DACH1: variants seen among roughly 807,000 people sequenced by gnomAD.
DACH1 encodes the protein dachshund homolog 1.
A neutral mutation model predicts 54.2 loss-of-function variants in DACH1; 12 were observed. The ratio of observed to expected loss-of-function variants is 0.22; its 90% CI spans 0.14 to 0.36. The LOEUF (loss-of-function observed/expected upper bound fraction) is 0.36. Ranked by LOEUF, DACH1 falls within the 10% of genes least tolerant of loss-of-function variation. The pLI, the probability that DACH1 is intolerant of heterozygous loss-of-function variation, is 1.00. For synonymous variants in DACH1, 386 were observed against 366.2 expected (o/e 1.05, Z -0.62); for missense variants, 805 against 929.8 (o/e 0.87, Z 1.75).
Position 71,438,097 on chromosome 13 carries a change from T to C in DACH1, c.*2558A>G, listed in dbSNP as rs1379735038. ...CTACCATAGAAAAATTTCCAATTCT[T>C]GCATTATGATGTAAAAACAGATTTT... On this transcript the variant is annotated 3_prime_UTR_variant, in exon 11 of 11. Transcript: ENST00000613252. 1 of 152,390 alleles carries C rather than the reference T, an allele frequency of 6.6e-6. No homozygotes were observed. The highest frequency in any genetic ancestry group is 1.9e-4 in the East Asian group (1 of 5,190). 9.4% of individuals were successfully genotyped at this position (152,390 alleles called of 1,614,324 possible). A position where few individuals can be genotyped will look rare whatever the true frequency, so the allele number is the denominator to read the frequency against.
chr13:71,588,814 CTCCCTTTCTTTAATT>C (rs989547758), intron 3 of DACH1, among the ~76,000 whole-genome samples: 2 of 151,798 alleles, frequency 1.3e-5, no homozygotes, highest in Non-Finnish European at 2.9e-5. Flanking sequence ...GGCTATTTTC[CTCCCTTTCTTTAATT>C]TTTTCTATAG....
At position 71,572,909 on chromosome 13, in the gene DACH1, G is replaced by T. The variant is rs1793947805; in HGVS notation, c.1230C>A (p.Thr410=). 6.2e-7 allele frequency: 1 copy of T among 1,614,074 alleles called. No individual in the cohort carries two copies. Among genetic ancestry groups the T allele is most frequent in the Non-Finnish European group, 8.5e-7 (1 of 1,179,962 alleles). Residue 410 remains threonine (T), a synonymous_variant, in exon 4 of 11, where the codon ACC becomes ACA. Transcript: ENST00000613252. The stretch of plus-strand genomic sequence containing the variant: ...GTGCTGCTGCTGCCATATTTGCAAT[G>T]GTGCTGAGGTGGTTCATCTGGCTCA... ...MAMSQMNHLS[T]IANMAAAAQV...
intron 7 of DACH1, 55 bp downstream of exon 7, chr13:71,488,942 A>C: frequency 6.4e-7 from 1 of 1,552,666 alleles, no homozygotes; most frequent in Non-Finnish European, 8.7e-7. Context: ...TGGAAAAAAA[A>C]AATCTACAAC....
At chr13:71,675,243 A>G in intron 2 of DACH1, 2 of 1,581,026 alleles carry the variant, frequency 1.3e-6, no homozygotes, top group Non-Finnish European at 1.7e-6. Context: ...AGTCCACTGA[A>G]CTTCTGATTC....
intron 4 of DACH1, among the ~76,000 whole-genome samples, 175 bp from the exon 5 acceptor site, chr13:71,560,130 G>T (rs1248048447): frequency 6.6e-6 from 1 of 152,148 alleles, no homozygotes; most frequent in Non-Finnish European, 1.5e-5. Context: ...GCCAAATAAA[G>T]TAGAAAAAGA....
intron 1 of DACH1, among the ~76,000 whole-genome samples, chr13:71,748,539 A>G (rs1884710027): frequency 6.6e-6 from 1 of 152,192 alleles, no homozygotes; most frequent in African/African-American, 2.4e-5. Context: ...TCCCCAGAAC[A>G]TCCTTTGCCC....
intron 3 of DACH1, among the ~76,000 whole-genome samples, chr13:71,621,463 G>A (rs1353132644): frequency 6.6e-6 from 1 of 152,034 alleles, no homozygotes; most frequent in Non-Finnish European, 1.5e-5. Context: ...GTGAGCAGGA[G>A]GTACTTCACT....
chr13:71,478,005 A>G (rs746160674), intron 8 of DACH1, among the ~76,000 whole-genome samples: 4 of 152,232 alleles, frequency 2.6e-5, no homozygotes, highest in Non-Finnish European at 4.4e-5. Flanking sequence ...AAAATTCTGA[A>G]GGTCTCTCCA....
intron 1 of DACH1, among the ~76,000 whole-genome samples, chr13:71,796,607 C>T (rs914177696): frequency 6.6e-6 from 1 of 151,864 alleles, no homozygotes; most frequent in Non-Finnish European, 1.5e-5. Flanking sequence ...CTCACTTGGC[C>T]GGTAAGCAAA....
chr13:71,838,336 A>G (rs764225694), intron 1 of DACH1, among the ~76,000 whole-genome samples: 1 of 152,204 alleles, frequency 6.6e-6, no homozygotes, highest in Non-Finnish European at 1.5e-5. Context: ...TTCAGTGAGA[A>G]CAACACATTA....
intron 3 of DACH1, among the ~76,000 whole-genome samples, chr13:71,629,849 A>G (rs1876953191): frequency 6.6e-6 from 1 of 152,142 alleles, no homozygotes; most frequent in Non-Finnish European, 1.5e-5. Flanking sequence ...TTGCCCCACA[A>G]CATCCAGATG....
At chr13:71,849,252 A>G (rs1054567467) in intron 1 of DACH1, among the ~76,000 whole-genome samples, 6 of 152,166 alleles carry the variant, frequency 3.9e-5, no homozygotes. Flanking sequence ...GGAGATGAAA[A>G]TACTTCCATT....
chr13:71,453,827 T>C (rs1293335186), intron 10 of DACH1, among the ~76,000 whole-genome samples: 1 of 152,164 alleles, frequency 6.6e-6, no homozygotes, highest in Non-Finnish European at 1.5e-5. Flanking sequence ...TCAAAACTTT[T>C]CAGTAAATAT....
intron 1 of DACH1, among the ~76,000 whole-genome samples, chr13:71,788,920 C>T: frequency 6.6e-6 from 1 of 152,020 alleles, no homozygotes; most frequent in East Asian, 1.9e-4. Context: ...CTAAAATGCA[C>T]TTAGAAAAAT....
At chr13:71,799,110 T>C (rs991383871) in intron 1 of DACH1, among the ~76,000 whole-genome samples, 1 of 152,118 alleles carries the variant, frequency 6.6e-6, no homozygotes, top group East Asian at 1.9e-4. Flanking sequence ...CAGTTTTAAT[T>C]TGAAAGTTGA....
chr13:71,599,888 A>G (rs1444471068), intron 3 of DACH1, among the ~76,000 whole-genome samples: 1 of 151,860 alleles, frequency 6.6e-6, no homozygotes, highest in Non-Finnish European at 1.5e-5. Flanking sequence ...GGACACAGAT[A>G]TAATGTGAGA....
At chr13:71,665,078 A>T (rs1879742616) in intron 2 of DACH1, among the ~76,000 whole-genome samples, 1 of 152,046 alleles carries the variant, frequency 6.6e-6, no homozygotes, top group Admixed American at 6.6e-5. Flanking sequence ...TCAATTATTT[A>T]GGGTAAAGTA....
At chr13:71,532,237 G>A (rs1023148398) in intron 6 of DACH1, among the ~76,000 whole-genome samples, 1 of 151,694 alleles carries the variant, frequency 6.6e-6, no homozygotes, top group Non-Finnish European at 1.5e-5. Context: ...TGCATTATTA[G>A]ACTATATTGT....
At chr13:71,704,967 T>A (rs1460075305) in intron 1 of DACH1, among the ~76,000 whole-genome samples, 1 of 152,128 alleles carries the variant, frequency 6.6e-6, no homozygotes, top group Non-Finnish European at 1.5e-5. Flanking sequence ...ATTAAAAAAA[T>A]AAAATACAAA....
Sources: gnomAD v4.1 joint callset for allele counts (sites outside exome capture counted in the v4.1 genomes callset) on GRCh38, gnomAD v4.1.1 for gene constraint, MANE v1.5 for transcripts, NCBI Gene and HGNC (gene_info 2026-07-23, HGNC 2026-07-21) for gene names.